COP1: variants seen among roughly 807,000 people sequenced by gnomAD.
COP1 encodes the protein COP1 E3 ubiquitin ligase, also known as E3 ubiquitin-protein ligase COP1.
COP1 carries 24 observed loss-of-function variants against 101.3 expected under a neutral mutation model. The observed-to-expected ratio is 0.24, with a 90% CI of 0.17 to 0.33. The LOEUF (loss-of-function observed/expected upper bound fraction) is 0.33, where lower values mean the gene tolerates loss of function less well. Ranked by LOEUF, COP1 falls within the 10% of genes least tolerant of loss-of-function variation. The pLI is 1.00. For synonymous variants in COP1, 347 were observed against 341.9 expected, an observed-to-expected ratio of 1.01 and a Z score of -0.17; for missense variants, 663 against 906.2, an observed-to-expected ratio of 0.73 and a Z score of 3.45.
intron 14 of COP1, among the ~76,000 whole-genome samples, chr1:176,028,599 A>G (rs1023249404): frequency 9.4e-5 from 14 of 148,448 alleles, no homozygotes; most frequent in African/African-American, 3.4e-4. Context: ...ATATAGATAA[A>G]CGATAAATTT....
intron 8 of COP1, among the ~76,000 whole-genome samples, chr1:176,122,034 G>C (rs1352033100): frequency 6.6e-6 from 1 of 151,808 alleles, no homozygotes; most frequent in South Asian, 2.1e-4. Context: ...CAGCTACTCA[G>C]GAGGCTGAGG....
At chr1:175,978,816 C>CTA (rs1278400772) in intron 18 of COP1, among the ~76,000 whole-genome samples, 3 of 152,100 alleles carry the variant, frequency 2.0e-5, no homozygotes, top group African/African-American at 4.8e-5. Context: ...GAAGAAGCTT[C>CTA]TATGTTGTCT....
At chr1:176,056,312 G>T (rs910476952) in intron 11 of COP1, among the ~76,000 whole-genome samples, 1 of 151,848 alleles carries the variant, frequency 6.6e-6, no homozygotes, top group African/African-American at 2.4e-5. Flanking sequence ...TGTTATTTAG[G>T]GCTTCTACAG....
At chr1:176,016,432 C>T (rs1289735844) in intron 15 of COP1, among the ~76,000 whole-genome samples, 1 of 152,102 alleles carries the variant, frequency 6.6e-6, no homozygotes, top group African/African-American at 2.4e-5. Flanking sequence ...GAAATAAGGG[C>T]TTGAATTTAG....
chr1:176,139,211 A>G (rs10913142), intron 6 of COP1, among the ~76,000 whole-genome samples: 59,554 of 151,154 alleles, frequency 0.39, 11,955 homozygotes, highest in Admixed American at 0.44. Flanking sequence ...AATGTTAACA[A>G]AAACCAAAAT....
At chr1:176,125,908 C>G (rs1416639390) in intron 8 of COP1, among the ~76,000 whole-genome samples, 1 of 151,918 alleles carries the variant, frequency 6.6e-6, no homozygotes, top group Non-Finnish European at 1.5e-5. Context: ...TTCATCAGTG[C>G]TTTATAGTTT....
At chr1:176,095,368 C>T (rs1304470062) in intron 9 of COP1, among the ~76,000 whole-genome samples, 1 of 152,166 alleles carries the variant, frequency 6.6e-6, no homozygotes, top group Non-Finnish European at 1.5e-5. Context: ...GAGGACAAAG[C>T]TATGTTCTTA....
chr1:175,949,190 A>AAAAAAAAAAAAAT (rs1558152756), intron 18 of COP1, among the ~76,000 whole-genome samples: 2 of 146,192 alleles, frequency 1.4e-5, no homozygotes, highest in African/African-American at 5.1e-5. Flanking sequence ...AAAAAAAAAA[A>AAAAAAAAAAAAAT]AATGAACATG....
chr1:176,091,292 C>T (rs868701569), intron 9 of COP1, among the ~76,000 whole-genome samples: 3 of 150,606 alleles, frequency 2.0e-5, no homozygotes, highest in African/African-American at 4.9e-5. Context: ...GAGCTGAGAT[C>T]GTGCCACTGT....
At chr1:176,010,069 C>T (rs1318192845) in intron 15 of COP1, among the ~76,000 whole-genome samples, 1 of 152,092 alleles carries the variant, frequency 6.6e-6, no homozygotes, top group East Asian at 1.9e-4. Flanking sequence ...GAAAGAACAG[C>T]ACAATGAATA....
intron 14 of COP1, among the ~76,000 whole-genome samples, chr1:176,041,484 G>C (rs1670524431): frequency 6.6e-6 from 1 of 151,766 alleles, no homozygotes; most frequent in Non-Finnish European, 1.5e-5. Context: ...CAGTAGCTAG[G>C]ACCACAGGCC....
intron 18 of COP1, among the ~76,000 whole-genome samples, chr1:175,969,217 G>A (rs1018566893): frequency 2.6e-5 from 4 of 152,182 alleles, no homozygotes; most frequent in African/African-American, 9.7e-5. Flanking sequence ...ATATAAAGCA[G>A]ATACTCTTAG....
At chr1:176,016,691 A>G (rs940485850) in intron 15 of COP1, among the ~76,000 whole-genome samples, 1 of 152,216 alleles carries the variant, frequency 6.6e-6, no homozygotes, top group Non-Finnish European at 1.5e-5. Flanking sequence ...AATTTGTAAT[A>G]CACTTTTATT....
intron 18 of COP1, among the ~76,000 whole-genome samples, chr1:175,961,034 A>G (rs1362249491): frequency 6.6e-6 from 1 of 152,128 alleles, no homozygotes; most frequent in Non-Finnish European, 1.5e-5. Flanking sequence ...TGGAGCTGGG[A>G]CACTCTTCTC....
chr1:176,117,897 A>AAAAC (rs200091101), intron 8 of COP1, among the ~76,000 whole-genome samples: 258 of 152,156 alleles, frequency 1.7e-3, no homozygotes, highest in East Asian at 6.9e-3. Context: ...TCTGTCTCGA[A>AAAAC]AAACAAACAA....
intron 11 of COP1, among the ~76,000 whole-genome samples, chr1:176,070,302 A>G (rs1676731879): frequency 6.7e-6 from 1 of 149,454 alleles, no homozygotes; most frequent in South Asian, 2.1e-4. Flanking sequence ...CAGAACCTAC[A>G]TACTGTATCT....
chr1:176,165,748 A>G (rs1695037412), intron 3 of COP1, among the ~76,000 whole-genome samples: 1 of 152,146 alleles, frequency 6.6e-6, no homozygotes, highest in Non-Finnish European at 1.5e-5. Context: ...CAAGGGTCAG[A>G]GTGATCTTGT....
chr1:176,155,855 A>G (rs1177622186), intron 5 of COP1, among the ~76,000 whole-genome samples: 1 of 152,052 alleles, frequency 6.6e-6, no homozygotes, highest in African/African-American at 2.4e-5. Flanking sequence ...AAATATCTTT[A>G]AAGTGTTTTA....
chr1:175,999,765 A>G (rs903308019), intron 15 of COP1, among the ~76,000 whole-genome samples: 1 of 152,064 alleles, frequency 6.6e-6, no homozygotes, highest in Non-Finnish European at 1.5e-5. Context: ...CATCCTCACC[A>G]GCATTTGTTT....
Sources: allele counts gnomAD v4.1 joint callset (sites outside exome capture counted in the v4.1 genomes callset), GRCh38; gene constraint gnomAD v4.1.1; transcripts MANE v1.5; gene names NCBI Gene and HGNC (gene_info 2026-07-23, HGNC 2026-07-21).